The following HECW1 variants were observed in gnomAD, a reference collection of about 807,000 sequenced individuals.
HECW1 encodes the protein E3 ubiquitin-protein ligase HECW1.
A neutral mutation model predicts 182.3 loss-of-function variants in HECW1; 61 were observed. That is an observed-to-expected ratio of 0.33 (90% CI 0.27 to 0.41). The LOEUF is 0.41. Among genes scored for constraint, HECW1 ranks in the 10% least tolerant of loss-of-function variants. HECW1 has a pLI of 1.00. For missense variants in HECW1, 1,739 were observed against 2,108.9 expected, an observed-to-expected ratio of 0.82 and a Z score of 3.44; for synonymous variants, 859 against 832.6, an observed-to-expected ratio of 1.03 and a Z score of -0.55.
intron 13 of HECW1, among the ~76,000 whole-genome samples, chr7:43,461,112 A>G (rs1211231326): frequency 1.3e-5 from 2 of 152,236 alleles, no homozygotes; most frequent in South Asian, 2.1e-4. Flanking sequence ...AACAACCACA[A>G]ACATTTCTTC....
intron 2 of HECW1, among the ~76,000 whole-genome samples, chr7:43,159,542 C>T (rs1790281696): frequency 6.6e-6 from 1 of 152,078 alleles, no homozygotes; most frequent in Non-Finnish European, 1.5e-5. Flanking sequence ...CAGGTATATG[C>T]ACATTTTTAA....
chr7:43,395,071 A>G (rs1014197743), intron 6 of HECW1, among the ~76,000 whole-genome samples: 11 of 152,102 alleles, frequency 7.2e-5, no homozygotes, highest in African/African-American at 2.7e-4. Flanking sequence ...CAGCTGATCC[A>G]TCAAGTGCAG....
At chr7:43,297,190 C>G (rs1391461949) in intron 3 of HECW1, among the ~76,000 whole-genome samples, 1 of 152,170 alleles carries the variant, frequency 6.6e-6, no homozygotes, top group African/African-American at 2.4e-5. Flanking sequence ...TAGCCCAGAG[C>G]TTTACAAACA....
chr7:43,392,857 TGCCAGGGTGAAAAGA>T (rs1421717042), intron 6 of HECW1, among the ~76,000 whole-genome samples: 1 of 152,214 alleles, frequency 6.6e-6, no homozygotes, highest in Non-Finnish European at 1.5e-5. Context: ...GAAGATCCCC[TGCCAGGGTGAAAAGA>T]GCTGATCTTC....
chr7:43,467,756 G>A (rs908783861), intron 15 of HECW1, among the ~76,000 whole-genome samples: 5 of 152,176 alleles, frequency 3.3e-5, no homozygotes, highest in Non-Finnish European at 7.3e-5. Context: ...GTGATCACGA[G>A]TGGGTGCAAG....
At chr7:43,525,146 G>A (rs919114028) in intron 24 of HECW1, among the ~76,000 whole-genome samples, 8 of 152,198 alleles carry the variant, frequency 5.3e-5, no homozygotes, top group Admixed American at 3.3e-4. Context: ...ACAAAGGAAA[G>A]TAAAGCACTC....
chr7:43,307,636 T>G (rs1275929495), intron 3 of HECW1, among the ~76,000 whole-genome samples: 1 of 152,140 alleles, frequency 6.6e-6, no homozygotes, highest in Non-Finnish European at 1.5e-5. Context: ...ATTAAATTGC[T>G]TCTTCCAGAC....
At chr7:43,160,157 G>A (rs769757884) in intron 2 of HECW1, among the ~76,000 whole-genome samples, 20 of 152,182 alleles carry the variant, frequency 1.3e-4, no homozygotes, top group Non-Finnish European at 2.2e-4. Context: ...TGGCATCTTC[G>A]TGATCTTTGC....
intron 2 of HECW1, among the ~76,000 whole-genome samples, chr7:43,184,040 G>A (rs1793128043): frequency 6.6e-6 from 1 of 150,988 alleles, no homozygotes; most frequent in South Asian, 2.1e-4. Flanking sequence ...TTGAGACAAA[G>A]TCTCGCTCTG....
Position 43,484,847 on chromosome 7 carries a change from C to A in HECW1, c.3234+5103C>A, listed in dbSNP as rs6463194. Among the ~76,000 whole-genome samples, 1,211 of 152,308 alleles carry A rather than the reference C, an allele frequency of 8.0e-3. 17 individuals carry two copies. Among genetic ancestry groups the A allele is most frequent in the African/African-American group, 0.028 (1,151 of 41,564 alleles). On this transcript the variant is annotated intron_variant, in intron 17 of 29. Coordinates refer to ENST00000395891, the MANE Select transcript of HECW1 (RefSeq NM_015052.5). ...TGTCTGCAATATATTCAAGCACCAG[C>A]AAAGCAGGCCTTATCTCTCCTCAGA...
chr7:43,328,764 C>T (rs1186161825), intron 5 of HECW1, among the ~76,000 whole-genome samples: 4 of 152,168 alleles, frequency 2.6e-5, no homozygotes. Context: ...ACGATGGTGC[C>T]GGCTTCCAGT....
chr7:43,194,038 T>A (rs1393317719), intron 2 of HECW1, among the ~76,000 whole-genome samples: 1 of 152,226 alleles, frequency 6.6e-6, no homozygotes, highest in Non-Finnish European at 1.5e-5. Flanking sequence ...GAATTTGGCA[T>A]CTTATTGTTG....
intron 2 of HECW1, among the ~76,000 whole-genome samples, chr7:43,115,611 A>G (rs768739356): frequency 9.9e-5 from 15 of 152,220 alleles, no homozygotes; most frequent in Non-Finnish European, 1.8e-4. Flanking sequence ...GGGTGAAGCA[A>G]TGATTGGTCT....
intron 26 of HECW1, among the ~76,000 whole-genome samples, chr7:43,543,783 A>C (rs1228867439): frequency 6.8e-6 from 1 of 146,174 alleles, no homozygotes. Flanking sequence ...CCATCTCACA[A>C]AAAAAAAAAA....
intron 6 of HECW1, among the ~76,000 whole-genome samples, chr7:43,392,943 C>A (rs2075094677): frequency 6.6e-6 from 1 of 152,052 alleles, no homozygotes; most frequent in African/African-American, 2.4e-5. Context: ...TTCATATTTA[C>A]AACTTTTCAA....
Position 43,437,997 on chromosome 7 carries a change from T to C in HECW1, c.802-6T>C, listed in dbSNP as rs2152871914. ...TTAATTGATGTGACATATTCTTTCA[T>C]TGCAGCAATTCAGTTTTGTGTCCTT... On this transcript the variant is annotated splice_region_variant and splice_polypyrimidine_tract_variant and intron_variant, in intron 8 of 29. Coordinates refer to ENST00000395891, the MANE Select transcript of HECW1 (RefSeq NM_015052.5). 1.2e-6 allele frequency: 2 copies of C among 1,613,982 alleles called. No homozygotes were observed. The highest frequency in any genetic ancestry group is 1.3e-5 in the African/African-American group (1 of 75,038).
intron 2 of HECW1, among the ~76,000 whole-genome samples, chr7:43,184,216 T>G (rs1793149945): frequency 6.6e-6 from 1 of 152,256 alleles, no homozygotes; most frequent in Middle Eastern, 3.4e-3. Context: ...GGTTTCACTG[T>G]GTTAGCCAGG....
At position 43,552,369 on chromosome 7, in the gene HECW1, T is replaced by C. The variant is rs368220658; in HGVS notation, c.4510+33T>C. On this transcript the variant is annotated intron_variant, in intron 28 of 29. Coordinates refer to ENST00000395891, the MANE Select transcript of HECW1 (RefSeq NM_015052.5). The stretch of plus-strand genomic sequence containing the variant: ...GGCAGGAGCTGTAATGATGCAATGA[T>C]CACAAATAGAACTCAGCACTTTCCA... The C allele has an allele frequency of 1.0e-4, 125 of 1,254,618 alleles. No homozygotes were observed. The African/African-American group carries it at 1.6e-3, about 16-fold the overall frequency. 77.7% of individuals were successfully genotyped at this position (1,254,618 alleles called of 1,614,324 possible).
chr7:43,139,436 A>C (rs1422063870), intron 2 of HECW1, among the ~76,000 whole-genome samples: 1 of 152,204 alleles, frequency 6.6e-6, no homozygotes, highest in South Asian at 2.1e-4. Context: ...ACATGCAACT[A>C]TTCCTTTGTG....
Sources: allele counts gnomAD v4.1 joint callset (sites outside exome capture counted in the v4.1 genomes callset), GRCh38; gene constraint gnomAD v4.1.1; transcripts MANE v1.5; gene names NCBI Gene and HGNC (gene_info 2026-07-23, HGNC 2026-07-21).